Variants in CSE1L observed in about 807,000 individuals in gnomAD.
CSE1L encodes the protein exportin-2.
In CSE1L, 24 loss-of-function variants were observed where a neutral mutation model predicts 120.4. That is an observed-to-expected ratio of 0.20 (90% CI 0.14 to 0.28). CSE1L has a LOEUF of 0.28. Among genes scored for constraint, CSE1L ranks in the 10% least tolerant of loss-of-function variants. CSE1L has a pLI of 1.00. For missense variants in CSE1L, 830 were observed against 1,145.2 expected, an observed-to-expected ratio of 0.72 and a Z score of 3.97; for synonymous variants, 402 against 398.3, an observed-to-expected ratio of 1.01 and a Z score of -0.11.
chr20:49,086,359 C>CTTTTTTTTTTTTT (rs10648977), intron 16 of CSE1L, among the ~76,000 whole-genome samples: 2 of 77,644 alleles, frequency 2.6e-5, no homozygotes, highest in Non-Finnish European at 4.5e-5. Flanking sequence ...GTTTAATGTC[C>CTTTTTTTTTTTTT]TTTTTTTTTT....
At chr20:49,074,715 C>T (rs1432748491) in intron 10 of CSE1L, 70 bp from the exon 11 acceptor site, 1 of 1,310,964 alleles carries the variant, frequency 7.6e-7, no homozygotes, top group Non-Finnish European at 1.1e-6. Context: ...ACATACTCTT[C>T]TGCATTCTCA....
chr20:49,066,070 A>T, intron 3 of CSE1L, 122 bp from the exon 4 acceptor site: 1 of 792,700 alleles, frequency 1.3e-6, no homozygotes. Flanking sequence ...GAAAGACCAA[A>T]CCTTCCTCTA....
At chr20:49,065,326 T>A (rs1166212748) in intron 3 of CSE1L, among the ~76,000 whole-genome samples, 3 of 116,616 alleles carry the variant, frequency 2.6e-5, no homozygotes, top group African/African-American at 9.4e-5. Flanking sequence ...TTTTTTTTTT[T>A]TTTTTTTTTT....
intron 17 of CSE1L, 62 bp downstream of exon 17, chr20:49,088,168 C>T: frequency 8.8e-7 from 1 of 1,136,128 alleles, no homozygotes; most frequent in Non-Finnish European, 1.3e-6. Flanking sequence ...GTTTGGGCCT[C>T]AGAACTCTTT....
At chr20:49,070,098 C>T in intron 7 of CSE1L, 107 bp from the exon 8 acceptor site, 2 of 576,184 alleles carry the variant, frequency 3.5e-6, no homozygotes, top group Non-Finnish European at 6.2e-6. Context: ...AATGCTCAGG[C>T]TGTGAAGCCT....
At chr20:49,059,070 G>C (rs1406179263) in intron 2 of CSE1L, among the ~76,000 whole-genome samples, 1 of 151,506 alleles carries the variant, frequency 6.6e-6, no homozygotes, top group Admixed American at 6.6e-5. Flanking sequence ...GGCAGAGCTT[G>C]CAGTGAGCCG....
chr20:49,091,432 A>G (rs547378668), intron 21 of CSE1L, among the ~76,000 whole-genome samples: 1 of 152,166 alleles, frequency 6.6e-6, no homozygotes, highest in South Asian at 2.1e-4. Context: ...TCTCAAAAAA[A>G]AAAAAGAAAA....
chr20:49,057,895 G>A (rs1165602697), intron 1 of CSE1L, among the ~76,000 whole-genome samples: 1 of 152,082 alleles, frequency 6.6e-6, no homozygotes. Context: ...GCCTCCCAAA[G>A]TGCTGGGATT....
chr20:49,082,859 G>T (rs765535419), intron 14 of CSE1L, among the ~76,000 whole-genome samples: 10 of 151,940 alleles, frequency 6.6e-5, no homozygotes, highest in Non-Finnish European at 1.3e-4. Context: ...TTGCTCTGTT[G>T]CCCAGGCTGG....
At chr20:49,059,968 T>A (rs749970948) in intron 2 of CSE1L, among the ~76,000 whole-genome samples, 13 of 151,646 alleles carry the variant, frequency 8.6e-5, no homozygotes, top group Non-Finnish European at 1.6e-4. Flanking sequence ...GAAGATCCCT[T>A]GAGTCCAGGA....
chr20:49,094,359 A>G, intron 23 of CSE1L, 73 bp downstream of exon 23: 2 of 1,429,378 alleles, frequency 1.4e-6, no homozygotes, highest in Admixed American at 2.0e-5. Context: ...AACAAAGCTT[A>G]TTCTCTTGGG....
In CSE1L at chr20:49,096,828, T is replaced by C. The variant is rs1025022206; in HGVS notation, c.*390T>C. 5.8e-6 allele frequency: 1 copy of C among 171,874 alleles called. No homozygotes were observed. Among genetic ancestry groups the C allele is most frequent in the Non-Finnish European group, 1.2e-5 (1 of 80,276 alleles). 10.6% of individuals were successfully genotyped at this position (171,874 alleles called of 1,614,324 possible). A position where few individuals can be genotyped will look rare whatever the true frequency, so the allele number is the denominator to read the frequency against. ...TTGTCCTTTATATTTTTTGTCTGTT[T>C]ATTTACGCTTTTATTGGAAATGTGA... On this transcript the variant is annotated 3_prime_UTR_variant, in exon 25 of 25. Coordinates refer to ENST00000262982, the MANE Select transcript of CSE1L (RefSeq NM_001316.4).
intron 19 of CSE1L, among the ~76,000 whole-genome samples, chr20:49,090,478 C>A (rs574605363): frequency 6.6e-6 from 1 of 152,246 alleles, no homozygotes; most frequent in Admixed American, 6.5e-5. Context: ...ATCGCTTGAA[C>A]CTGGGAAGCA....
At chr20:49,082,364 G>C (rs1016350070) in intron 14 of CSE1L, among the ~76,000 whole-genome samples, 1 of 152,030 alleles carries the variant, frequency 6.6e-6, no homozygotes, top group African/African-American at 2.4e-5. Flanking sequence ...GGCTGGTCTT[G>C]AACTCCTGAC....
Position 49,058,434 on chromosome 20 carries a change from A to G in CSE1L, c.-11-19A>G. ...TTTCCGTAAGTGACCAGTTATCCAA[A>G]CCTTATTTTATATTTTAGATCCTAT... On this transcript the variant is annotated intron_variant, in intron 1 of 24. Transcript: ENST00000262982. 1.9e-6 allele frequency: 3 copies of G among 1,547,318 alleles called. No individual in the cohort carries two copies. The highest frequency in any genetic ancestry group is 2.7e-6 in the Non-Finnish European group (3 of 1,129,584).
intron 1 of CSE1L, among the ~76,000 whole-genome samples, chr20:49,054,554 A>G (rs1211672813): frequency 6.6e-6 from 1 of 152,170 alleles, no homozygotes; most frequent in Non-Finnish European, 1.5e-5. Context: ...TATATAGTTA[A>G]TATATGTCAA....
rs1447297085 is a variant in CSE1L at position 49,075,386 on chromosome 20, G to A, written c.1201G>A (p.Val401Met). ...ATTATGCAAGTTTTTTGAGGGACCT[G>A]TGACAGGAATCTTCTCTGGTTATGT... is the stretch of plus-strand genomic sequence containing the variant. ...RGLCKFFEGP[V>M]TGIFSGYVNS... is the part of the protein sequence containing the mutation. The change falls in exon 12 of 25, where the codon GTG becomes ATG. Residue 401 changes from valine to methionine, a missense_variant. By Grantham distance (21) the Val-to-Met change is conservative. Coordinates refer to ENST00000262982, the MANE Select transcript of CSE1L (RefSeq NM_001316.4). The A allele has an allele frequency of 6.2e-7, 1 of 1,613,894 alleles. No individual in the cohort carries two copies. The highest frequency in any genetic ancestry group is 2.2e-5 in the East Asian group (1 of 44,876).
intron 14 of CSE1L, among the ~76,000 whole-genome samples, chr20:49,082,620 T>C (rs538504583): frequency 3.3e-5 from 5 of 150,528 alleles, no homozygotes; most frequent in African/African-American, 4.9e-5. Context: ...CCTGGGTTCA[T>C]GCCATTCTCC....
At position 49,063,324 on chromosome 20, in the gene CSE1L, A is replaced by G. The variant is rs751159883; in HGVS notation, c.208A>G (p.Ile70Val). The G allele has an allele frequency of 2.7e-6, 4 of 1,507,266 alleles. No homozygotes were observed. The highest frequency in any genetic ancestry group is 3.6e-6 in the Non-Finnish European group (4 of 1,115,350). 93.4% of individuals were successfully genotyped at this position (1,507,266 alleles called of 1,614,324 possible). The change falls in exon 3 of 25, where the codon ATT becomes GTT. Residue 70 changes from isoleucine to valine, a missense_variant. Ile to Val is a conservative substitution (Grantham distance 29). This residue lies in a region of CSE1L where 543 missense variants were observed against 640.2 expected (regional missense o/e 0.85). Transcript: ENST00000262982. ...TGCTTCAGTAACATTCAAAAACTAT[A>G]TTAAAAGGAACTGGAGAATTGTAAG... ...VCASVTFKNYIKRNWRIVEDE... is the reference protein window; with the variant it reads ...VCASVTFKNYVKRNWRIVEDE...
Sources: gnomAD v4.1 joint callset for allele counts (sites outside exome capture counted in the v4.1 genomes callset) on GRCh38, gnomAD v4.1.1 for gene constraint, gnomAD v4.1.1 regional missense constraint, MANE v1.5 for transcripts, NCBI Gene and HGNC (gene_info 2026-07-23, HGNC 2026-07-21) for gene names.